PRMT8: variants seen among roughly 807,000 people sequenced by gnomAD.
The protein encoded by PRMT8 is protein arginine methyltransferase 8, also known as protein arginine N-methyltransferase 8.
PRMT8 carries 7 observed loss-of-function variants against 47.1 expected under a neutral mutation model. That is an observed-to-expected ratio of 0.15 (90% CI 0.08 to 0.28). The LOEUF is 0.28. PRMT8 is among the 10% of genes least tolerant of loss of function. The probability of loss-of-function intolerance (pLI) is 1.00; values close to 1 mark genes in which losing one functional copy is unlikely to be tolerated. For synonymous variants in PRMT8, 188 were observed against 186.5 expected (o/e 1.01, Z -0.07); for missense variants, 237 against 505.4 (o/e 0.47, Z 5.09).
intron 1 of PRMT8, among the ~76,000 whole-genome samples, chr12:3,513,342 A>G (rs1473545233): frequency 6.6e-6 from 1 of 152,120 alleles, no homozygotes; most frequent in Non-Finnish European, 1.5e-5. Context: ...CCTAAACTAA[A>G]TATACGATGT....
chr12:3,582,812 C>T (rs756754604), intron 7 of PRMT8, among the ~76,000 whole-genome samples: 14 of 152,128 alleles, frequency 9.2e-5, no homozygotes, highest in Non-Finnish European at 1.5e-4. Flanking sequence ...ATTTATCTTC[C>T]GAATTCTGCT....
intron 3 of PRMT8, chr12:3,553,171 C>T: frequency 4.7e-6 from 1 of 213,812 alleles, no homozygotes; most frequent in Non-Finnish European, 9.5e-6. Flanking sequence ...TAAACCAGCC[C>T]TGAGGTCTTG....
At chr12:3,523,095 A>G (rs987934098) in intron 1 of PRMT8, among the ~76,000 whole-genome samples, 2 of 152,186 alleles carry the variant, frequency 1.3e-5, no homozygotes, top group African/African-American at 4.8e-5. Context: ...CAAGTCTTAC[A>G]GTGTGAAAAT....
At chr12:3,388,339 C>G (rs1179017144) in intron 1 of PRMT8, among the ~76,000 whole-genome samples, 1 of 152,154 alleles carries the variant, frequency 6.6e-6, no homozygotes, top group Non-Finnish European at 1.5e-5. Flanking sequence ...GACATTGTGT[C>G]CTTCTCAATC....
intron 1 of PRMT8, among the ~76,000 whole-genome samples, chr12:3,521,662 G>C (rs900359882): frequency 3.9e-5 from 6 of 152,182 alleles, no homozygotes; most frequent in Admixed American, 3.9e-4. Flanking sequence ...CTGACAAAAA[G>C]TAAACGAAAA....
At chr12:3,431,227 C>T (rs1327395560) in intron 1 of PRMT8, among the ~76,000 whole-genome samples, 1 of 152,048 alleles carries the variant, frequency 6.6e-6, no homozygotes, top group Non-Finnish European at 1.5e-5. Flanking sequence ...AGACTGAGAC[C>T]AGTGAGAAAG....
intron 1 of PRMT8, among the ~76,000 whole-genome samples, chr12:3,406,540 AC>A (rs1252592776): frequency 6.6e-6 from 1 of 152,118 alleles, no homozygotes; most frequent in Non-Finnish European, 1.5e-5. Flanking sequence ...TCTGTCAGAT[AC>A]CCTAAATCAT....
intron 1 of PRMT8, among the ~76,000 whole-genome samples, chr12:3,505,867 GCCCTGTAATAGGCTCCCTGGGTTAGAT>G (rs1865616335): frequency 6.6e-6 from 1 of 152,146 alleles, no homozygotes; most frequent in Non-Finnish European, 1.5e-5. Flanking sequence ...GGAGCTTGTG[GCCCTGTAATAGGCTCCCTGGGTTAGAT>G]CCCCTCATCT....
Position 3,491,430 on chromosome 12 carries a change from A to C in PRMT8, c.-196A>C. The C allele has an allele frequency of 7.3e-7, 1 of 1,368,248 alleles. No homozygotes were observed. Among genetic ancestry groups the C allele is most frequent in the Non-Finnish European group, 9.4e-7 (1 of 1,060,680 alleles). The allele number at this position is 1,368,248 out of a possible 1,614,324, so 84.8% of individuals were successfully genotyped here. On this transcript the variant is annotated 5_prime_UTR_variant, in exon 1 of 10. Transcript: ENST00000382622. ...CGTGTGAAGGAATCCGGAGCAGATG[A>C]GAAGGGAGGAAAATAAAAGAAAGTG...
At chr12:3,405,027 T>G (rs752391750) in intron 1 of PRMT8, among the ~76,000 whole-genome samples, 1 of 152,212 alleles carries the variant, frequency 6.6e-6, no homozygotes, top group Middle Eastern at 3.2e-3. Context: ...ACTCTTCCAT[T>G]TGCATGCTTC....
At chr12:3,541,941 G>A (rs967491804) in intron 2 of PRMT8, among the ~76,000 whole-genome samples, 2 of 152,060 alleles carry the variant, frequency 1.3e-5, no homozygotes, top group Non-Finnish European at 2.9e-5. Context: ...TTTTGTGTGC[G>A]TGTGTGCGTG....
intron 1 of PRMT8, among the ~76,000 whole-genome samples, chr12:3,413,835 A>G (rs1186450612): frequency 6.6e-6 from 1 of 152,268 alleles, no homozygotes; most frequent in Non-Finnish European, 1.5e-5. Flanking sequence ...TTTACATTAC[A>G]TTATATACTA....
chr12:3,548,778 T>A (rs1342943291), intron 2 of PRMT8, among the ~76,000 whole-genome samples: 3 of 152,190 alleles, frequency 2.0e-5, no homozygotes, highest in Non-Finnish European at 4.4e-5. Flanking sequence ...TGGCAATTTC[T>A]TATGAAGTTG....
At chr12:3,581,230 G>C (rs1309964951) in intron 7 of PRMT8, among the ~76,000 whole-genome samples, 2 of 152,180 alleles carry the variant, frequency 1.3e-5, no homozygotes, top group Non-Finnish European at 2.9e-5. Flanking sequence ...TGAGCGGTCA[G>C]ACATCACGAC....
intron 4 of PRMT8, among the ~76,000 whole-genome samples, chr12:3,565,868 G>A (rs1472294692): frequency 1.3e-5 from 2 of 152,130 alleles, no homozygotes; most frequent in East Asian, 3.9e-4. Context: ...ATTACTCCTT[G>A]TCTGTTTCCT....
intron 6 of PRMT8, among the ~76,000 whole-genome samples, chr12:3,574,564 A>G (rs537544020): frequency 2.6e-4 from 39 of 152,380 alleles, no homozygotes; most frequent in Non-Finnish European, 5.9e-5. Flanking sequence ...CTCAAACCAC[A>G]TAATGATAAC....
Position 3,569,429 on chromosome 12 carries a change from G to A in PRMT8, c.625-48G>A. The A allele has an allele frequency of 6.8e-7, 1 of 1,480,326 alleles. No individual in the cohort carries two copies. Among genetic ancestry groups the A allele is most frequent in the Non-Finnish European group, 9.5e-7 (1 of 1,058,134 alleles). 91.7% of individuals were successfully genotyped at this position (1,480,326 alleles called of 1,614,324 possible). ...GTGCAGTTCAAAATGTGATGTCTTT[G>A]TCAGGTGAATAGATTACGAGACCCA... On this transcript the variant is annotated intron_variant, in intron 5 of 9. Transcript: ENST00000382622. This position sits in a 1 kb window ranked among gnomAD's most constrained non-coding sequence, Gnocchi z 8.2.
Position 3,593,618 on chromosome 12 carries a change from G to A in PRMT8, c.*436G>A, listed in dbSNP as rs546227179. ...ATTATCTGTGTGTGCGGTGGTGTGCGTGTGCGTGCATGTGTGAATGTGAGC... is the reference window on the plus strand; with the variant it reads ...ATTATCTGTGTGTGCGGTGGTGTGCATGTGCGTGCATGTGTGAATGTGAGC... On this transcript the variant is annotated 3_prime_UTR_variant, in exon 10 of 10. Coordinates refer to ENST00000382622, the MANE Select transcript of PRMT8 (RefSeq NM_019854.5). This position sits in a 1 kb window ranked among gnomAD's most constrained non-coding sequence, Gnocchi z 4.8. 1.8e-5 allele frequency: 4 copies of A among 219,970 alleles called. No individual in the cohort carries two copies. Among genetic ancestry groups the A allele is most frequent in the Admixed American group, 5.5e-5 (1 of 18,144 alleles). The allele number at this position is 219,970 out of a possible 1,614,324, so 13.6% of individuals were successfully genotyped here. A position where few individuals can be genotyped will look rare whatever the true frequency, so the allele number is the denominator to read the frequency against.
At chr12:3,531,670 A>G (rs1459611658) in intron 1 of PRMT8, among the ~76,000 whole-genome samples, 1 of 152,108 alleles carries the variant, frequency 6.6e-6, no homozygotes. Context: ...GCAGCTGCTG[A>G]GGGCGGCCTT....
Sources: allele counts gnomAD v4.1 joint callset (sites outside exome capture counted in the v4.1 genomes callset), GRCh38; gene constraint gnomAD v4.1.1; non-coding constraint Gnocchi (gnomAD v3.1); transcripts MANE v1.5; gene names NCBI Gene and HGNC (gene_info 2026-07-23, HGNC 2026-07-21).